C1QTNF3: variants seen among roughly 807,000 people sequenced by gnomAD.
C1QTNF3 encodes the protein complement C1q tumor necrosis factor-related protein 3.
In C1QTNF3, 26 loss-of-function variants were observed where a neutral mutation model predicts 32.6. The observed-to-expected ratio is 0.80, with a 90% CI of 0.58 to 1.11. The LOEUF (loss-of-function observed/expected upper bound fraction) is 1.11, where lower values mean the gene tolerates loss of function less well. Ranked by LOEUF, C1QTNF3 falls within the 50% of genes least tolerant of loss-of-function variation. The pLI is 0.00. For synonymous variants in C1QTNF3, 155 were observed against 146.0 expected (o/e 1.06, Z -0.44); for missense variants, 362 against 398.2 (o/e 0.91, Z 0.77).
At chr5:34,228,450 A>C in the C1QTNF3 span, among the ~76,000 whole-genome samples, 3,049 of 149,132 alleles carry the variant, frequency 0.02, 98 homozygotes, top group African/African-American at 0.076. Context: ...AAAAAAGTCA[A>C]TATCAGGCAC....
the C1QTNF3 span, among the ~76,000 whole-genome samples, chr5:34,140,534 G>A: frequency 6.6e-6 from 1 of 152,234 alleles, no homozygotes; most frequent in Non-Finnish European, 1.5e-5. Context: ...TGAGAAATAA[G>A]TCAGACAACT....
chr5:34,034,344 T>C (rs1336049730), intron 2 of C1QTNF3, among the ~76,000 whole-genome samples: 5 of 152,242 alleles, frequency 3.3e-5, no homozygotes, highest in Non-Finnish European at 7.3e-5. Flanking sequence ...ATTCTGTATA[T>C]TTTTCTGTTT....
At chr5:34,136,692 G>A in the C1QTNF3 span, among the ~76,000 whole-genome samples, 6 of 152,176 alleles carry the variant, frequency 3.9e-5, no homozygotes, top group East Asian at 1.9e-4. Context: ...ATAAAGACAC[G>A]TGCACACATA....
chr5:34,195,511 C>A, the C1QTNF3 span, among the ~76,000 whole-genome samples: 1 of 151,898 alleles, frequency 6.6e-6, no homozygotes, highest in Non-Finnish European at 1.5e-5. Flanking sequence ...CAGCCTATTA[C>A]CATCTGCTAC....
chr5:34,211,713 A>C, the C1QTNF3 span, among the ~76,000 whole-genome samples: 1 of 151,908 alleles, frequency 6.6e-6, no homozygotes, highest in African/African-American at 2.4e-5. Flanking sequence ...CCTACAAAGG[A>C]CATGAACTCA....
chr5:34,091,531 A>C, the C1QTNF3 span, among the ~76,000 whole-genome samples: 1 of 152,284 alleles, frequency 6.6e-6, no homozygotes, highest in South Asian at 2.1e-4. Flanking sequence ...ATTTTTAATT[A>C]AATAATGAAT....
At chr5:34,154,963 G>GT in the C1QTNF3 span, among the ~76,000 whole-genome samples, 2 of 152,168 alleles carry the variant, frequency 1.3e-5, no homozygotes, top group African/African-American at 4.8e-5. Flanking sequence ...TAAAAATCCC[G>GT]TAAATATGTG....
the C1QTNF3 span, among the ~76,000 whole-genome samples, chr5:34,135,455 C>A: frequency 6.6e-6 from 1 of 152,042 alleles, no homozygotes; most frequent in South Asian, 2.1e-4. Context: ...GGGAGGATTC[C>A]CTCTTTTTCT....
At chr5:34,213,768 C>T in the C1QTNF3 span, among the ~76,000 whole-genome samples, 6 of 75,842 alleles carry the variant, frequency 7.9e-5, no homozygotes, top group Non-Finnish European at 1.3e-4. Flanking sequence ...TACACACACA[C>T]ACATACGTGT....
rs1049511341 is a variant in C1QTNF3, at chr5:34,018,853, G to A, written c.*1730C>T. Among the ~76,000 whole-genome samples, 8 of 152,184 alleles carry A rather than the reference G, an allele frequency of 5.3e-5. No individual in the cohort carries two copies. The highest frequency in any genetic ancestry group is 1.4e-4 in the African/African-American group (6 of 41,452). On this transcript the variant is annotated 3_prime_UTR_variant, in exon 6 of 6. Coordinates refer to ENST00000382065, the MANE Select transcript of C1QTNF3 (RefSeq NM_181435.6). ...TAAGATTTAGAATTTGCGGCTGGGT[G>A]CGGGGGCTCACGCCTGTAATCCCAG...
At chr5:34,213,073 C>T in the C1QTNF3 span, among the ~76,000 whole-genome samples, 12 of 152,158 alleles carry the variant, frequency 7.9e-5, no homozygotes, top group Non-Finnish European at 1.5e-5. Context: ...TTCTATATCA[C>T]GATGACTCAT....
chr5:34,141,910 G>A, the C1QTNF3 span, among the ~76,000 whole-genome samples: 2 of 152,066 alleles, frequency 1.3e-5, no homozygotes, highest in Non-Finnish European at 2.9e-5. Flanking sequence ...CCACCAGCCA[G>A]TCTTGTTGTC....
intron 1 of C1QTNF3, among the ~76,000 whole-genome samples, chr5:34,038,749 G>A (rs301506): frequency 0.47 from 70,765 of 151,844 alleles, 17,589 homozygotes; most frequent in East Asian, 0.58. Flanking sequence ...CATAATCTGG[G>A]AAGCTTTAAG....
chr5:34,035,790 A>G (rs1031670445), intron 1 of C1QTNF3, 32 bp from the exon 2 acceptor site: 5 of 1,548,076 alleles, frequency 3.2e-6, no homozygotes, highest in African/African-American at 1.4e-5. Flanking sequence ...CTTCAGAAAA[A>G]AAGGTACTTG....
chr5:34,035,480 G>A (rs1321573355), intron 2 of C1QTNF3, among the ~76,000 whole-genome samples, 167 bp downstream of exon 2: 1 of 152,226 alleles, frequency 6.6e-6, no homozygotes, highest in Non-Finnish European at 1.5e-5. Flanking sequence ...CGGACTCAAT[G>A]CTGTTGAGGA....
At chr5:34,090,081 T>C in the C1QTNF3 span, among the ~76,000 whole-genome samples, 2 of 152,154 alleles carry the variant, frequency 1.3e-5, no homozygotes, top group Non-Finnish European at 2.9e-5. Context: ...CGTTTCATGC[T>C]ACAACACTGA....
At chr5:34,052,057 G>A in the C1QTNF3 span, among the ~76,000 whole-genome samples, 3 of 152,120 alleles carry the variant, frequency 2.0e-5, no homozygotes, top group Admixed American at 2.0e-4. Flanking sequence ...AGAGTTGCTC[G>A]AACCCCGGAG....
the C1QTNF3 span, among the ~76,000 whole-genome samples, chr5:34,121,376 G>T: frequency 4.0e-5 from 6 of 151,844 alleles, no homozygotes; most frequent in Admixed American, 6.6e-5. Context: ...TTTAATTGGA[G>T]GTACAGTTCC....
chr5:34,114,367 T>A, the C1QTNF3 span, among the ~76,000 whole-genome samples: 1 of 152,154 alleles, frequency 6.6e-6, no homozygotes, highest in Admixed American at 6.5e-5. Context: ...TCAGTATCTA[T>A]AAGCAAACAA....
Sources: gnomAD v4.1 joint callset for allele counts (sites outside exome capture counted in the v4.1 genomes callset) on GRCh38, gnomAD v4.1.1 for gene constraint, MANE v1.5 for transcripts, NCBI Gene and HGNC (gene_info 2026-07-23, HGNC 2026-07-21) for gene names.